The following CNTN5 variants were observed in gnomAD, a reference collection of about 807,000 sequenced individuals.
The protein encoded by CNTN5 is contactin-5.
In CNTN5, 77 loss-of-function variants were observed where a neutral mutation model predicts 129.1. That is an observed-to-expected ratio of 0.60 (90% CI 0.50 to 0.72). CNTN5 has a LOEUF of 0.72. Ranked by LOEUF, CNTN5 falls within the 30% of genes least tolerant of loss-of-function variation. The pLI is 0.00. For synonymous variants in CNTN5, 509 were observed against 465.6 expected, an observed-to-expected ratio of 1.09 and a Z score of -1.20; for missense variants, 1,478 against 1,328.8, an observed-to-expected ratio of 1.11 and a Z score of -1.75.
rs984639049 is a variant in CNTN5 at position 100,074,078 on chromosome 11, A to G, written c.1430-66A>G. 57 of 1,418,190 alleles carry G rather than the reference A, an allele frequency of 4.0e-5. No individual in the cohort carries two copies. In the African/African-American group the frequency reaches 7.8e-4, roughly 19 times the overall value. The allele number at this position is 1,418,190 out of a possible 1,614,324, so 87.9% of individuals were successfully genotyped here. On this transcript the variant is annotated intron_variant, in intron 12 of 24. Coordinates refer to ENST00000524871, the MANE Select transcript of CNTN5 (RefSeq NM_014361.4). ...CAGAAGAAAAAGTTACAAGATCTTCATGAATCACCCATTAGAGATTATTGT... is the reference window on the plus strand; with the variant it reads ...CAGAAGAAAAAGTTACAAGATCTTCGTGAATCACCCATTAGAGATTATTGT...
At position 99,641,051 on chromosome 11, in the gene CNTN5, G is replaced by A. The variant is rs1951753565; in HGVS notation, c.55+84782G>A. The stretch of plus-strand genomic sequence containing the variant: ...TTGGAGGAGACATGAAATGTAATGA[G>A]TTAAGATTTGAAGTAAGTACACTTA... On this transcript the variant is annotated intron_variant, in intron 3 of 24. Coordinates refer to ENST00000524871, the MANE Select transcript of CNTN5 (RefSeq NM_014361.4). Among the ~76,000 whole-genome samples, 3 of 152,190 alleles carry A rather than the reference G, an allele frequency of 2.0e-5. 1 individual carries two copies. The highest frequency in any genetic ancestry group is 4.4e-5 in the Non-Finnish European group (3 of 68,030).
intron 2 of CNTN5, among the ~76,000 whole-genome samples, chr11:99,341,751 G>T (rs560199792): frequency 1.3e-5 from 2 of 152,174 alleles, no homozygotes; most frequent in Non-Finnish European, 2.9e-5. Flanking sequence ...TTTTTTACTT[G>T]AAGGTCATTA....
chr11:99,282,900 A>G (rs1334097945), intron 1 of CNTN5, among the ~76,000 whole-genome samples: 1 of 152,090 alleles, frequency 6.6e-6, no homozygotes. Flanking sequence ...TTAGATGGCT[A>G]TAGTCTTGGG....
intron 1 of CNTN5, among the ~76,000 whole-genome samples, chr11:99,268,176 C>A (rs1862999084): frequency 6.6e-6 from 1 of 151,818 alleles, no homozygotes; most frequent in South Asian, 2.1e-4. Flanking sequence ...AAATATAAAA[C>A]ATATAATGTG....
At chr11:99,799,652 TTTG>T (rs766591077) in intron 3 of CNTN5, among the ~76,000 whole-genome samples, 2 of 152,102 alleles carry the variant, frequency 1.3e-5, no homozygotes, top group African/African-American at 2.4e-5. Flanking sequence ...TTGCTAGTGT[TTTG>T]TTGAGGATTT....
chr11:99,634,686 C>T (rs141477116), intron 3 of CNTN5, among the ~76,000 whole-genome samples: 15 of 152,284 alleles, frequency 9.9e-5, no homozygotes, highest in Admixed American at 8.5e-4. Flanking sequence ...CTCTGTCAAA[C>T]ACCTTACATT....
chr11:100,304,019 T>A (rs935507358), intron 20 of CNTN5, among the ~76,000 whole-genome samples: 6 of 151,564 alleles, frequency 4.0e-5, no homozygotes, highest in African/African-American at 1.2e-4. Flanking sequence ...TGGGAAGGGA[T>A]CTCTTGGAAA....
At chr11:100,055,115 G>C (rs1943153667) in intron 9 of CNTN5, among the ~76,000 whole-genome samples, 1 of 148,902 alleles carries the variant, frequency 6.7e-6, no homozygotes, top group Admixed American at 6.7e-5. Context: ...GAGGTTTCCA[G>C]CCTTTGCTAT....
rs149144943 is a variant in CNTN5, at chr11:99,131,646, A to G, written c.-210+110376A>G. ...CCTTTATGCAAATAAACTGGGAAACATAGAAGAAATGGATAAATTTCTGGA... is the reference window on the plus strand; with the variant it reads ...CCTTTATGCAAATAAACTGGGAAACGTAGAAGAAATGGATAAATTTCTGGA... On this transcript the variant is annotated intron_variant, in intron 1 of 24. Coordinates refer to ENST00000524871, the MANE Select transcript of CNTN5 (RefSeq NM_014361.4). Among the ~76,000 whole-genome samples the G allele has an allele frequency of 4.8e-3, 729 of 152,244 alleles. 23 individuals are homozygous for G. The highest frequency in any genetic ancestry group is 0.04 in the Admixed American group (612 of 15,288).
At chr11:100,231,849 GAATTA>G (rs1422741579) in intron 16 of CNTN5, among the ~76,000 whole-genome samples, 11 of 152,108 alleles carry the variant, frequency 7.2e-5, no homozygotes, top group African/African-American at 2.2e-4. Flanking sequence ...AGTCGGGTGG[GAATTA>G]AATTAAAGAG....
chr11:99,757,096 AG>A (rs1339410114), intron 3 of CNTN5, among the ~76,000 whole-genome samples: 2 of 152,048 alleles, frequency 1.3e-5, no homozygotes, highest in East Asian at 3.9e-4. Context: ...AGGAGTCAGC[AG>A]GGTCGTGTTG....
chr11:100,337,478 T>A, intron 21 of CNTN5: 1 of 743,418 alleles, frequency 1.3e-6, no homozygotes, highest in Admixed American at 1.7e-5. Flanking sequence ...ACCCAAGACC[T>A]GAGGGACTGA....
intron 6 of CNTN5, among the ~76,000 whole-genome samples, chr11:99,897,055 G>T (rs1949224977): frequency 6.6e-6 from 1 of 152,090 alleles, no homozygotes; most frequent in South Asian, 2.1e-4. Context: ...CCAAGTGGAA[G>T]AAAGAACTTC....
chr11:99,362,940 C>A (rs1264867392), intron 2 of CNTN5, among the ~76,000 whole-genome samples: 1 of 151,958 alleles, frequency 6.6e-6, no homozygotes, highest in African/African-American at 2.4e-5. Context: ...GTTTTAAAAC[C>A]AGAAAGCATG....
chr11:99,258,105 A>G (rs1192453374), intron 1 of CNTN5, among the ~76,000 whole-genome samples: 3 of 152,064 alleles, frequency 2.0e-5, no homozygotes, highest in Admixed American at 2.0e-4. Context: ...TGCAATCTCA[A>G]ATGTCCCGTG....
chr11:99,749,218 T>G (rs1159539670), intron 3 of CNTN5, among the ~76,000 whole-genome samples: 2 of 151,966 alleles, frequency 1.3e-5, no homozygotes, highest in Non-Finnish European at 2.9e-5. Context: ...AATACTCTGG[T>G]CCCAAGCATT....
chr11:99,375,592 C>T (rs912653004), intron 2 of CNTN5, among the ~76,000 whole-genome samples: 2 of 152,020 alleles, frequency 1.3e-5, no homozygotes, highest in African/African-American at 2.4e-5. Context: ...CTTAAAAATA[C>T]AACAGTGATT....
At chr11:99,293,293 T>G (rs1237920531) in intron 1 of CNTN5, among the ~76,000 whole-genome samples, 1 of 152,174 alleles carries the variant, frequency 6.6e-6, no homozygotes, top group Non-Finnish European at 1.5e-5. Flanking sequence ...TTGGTCATGG[T>G]GAATGATCTT....
At position 99,816,018 on chromosome 11, in the gene CNTN5, C is replaced by T. The variant is rs528308531; in HGVS notation, c.56-3526C>T. Among the ~76,000 whole-genome samples the T allele has an allele frequency of 7.2e-4, 109 of 152,190 alleles. 1 individual carries two copies. The highest frequency in any genetic ancestry group is 2.6e-3 in the African/African-American group (106 of 41,530). On this transcript the variant is annotated intron_variant, in intron 3 of 24. Transcript: ENST00000524871. ...TTCAGTGAGCCTTCAACTACACTGC[C>T]CTTCACCATCAATTATTTTAACAGA...
Sources: allele counts gnomAD v4.1 joint callset (sites outside exome capture counted in the v4.1 genomes callset), GRCh38; gene constraint gnomAD v4.1.1; transcripts MANE v1.5; gene names NCBI Gene and HGNC (gene_info 2026-07-23, HGNC 2026-07-21).